LRRC38: variants seen among roughly 807,000 people sequenced by gnomAD.
The protein encoded by LRRC38 is leucine rich repeat containing 38, also known as leucine-rich repeat-containing protein 38.
LRRC38 carries 5 observed loss-of-function variants against 16.4 expected under a neutral mutation model. That is an observed-to-expected ratio of 0.31 (90% CI 0.16 to 0.64). LRRC38 has a LOEUF of 0.64. Among genes scored for constraint, LRRC38 ranks in the 30% least tolerant of loss-of-function variants. The pLI, the probability that LRRC38 is intolerant of heterozygous loss-of-function variation, is 0.80. For missense variants in LRRC38, 341 were observed against 401.8 expected (o/e 0.85, Z 1.29); for synonymous variants, 191 against 190.2 (o/e 1.00, Z -0.04).
intron 1 of LRRC38, among the ~76,000 whole-genome samples, chr1:13,494,832 C>G (rs1639062748): frequency 6.6e-6 from 1 of 152,372 alleles, no homozygotes; most frequent in African/African-American, 2.4e-5. Flanking sequence ...ACCCTACAGT[C>G]TAAGCCATTT....
chr1:13,475,785 C>G lies in LRRC38; in HGVS notation c.*61G>C, dbSNP rs1011913892. 9.9e-6 allele frequency: 15 copies of G among 1,522,704 alleles called. No homozygotes were observed. Among genetic ancestry groups the G allele is most frequent in the African/African-American group, 5.5e-5 (4 of 72,384 alleles). 94.3% of individuals were successfully genotyped at this position (1,522,704 alleles called of 1,614,324 possible). On this transcript the variant is annotated 3_prime_UTR_variant, in exon 2 of 2. Coordinates refer to ENST00000376085, the MANE Select transcript of LRRC38 (RefSeq NM_001010847.2). The surrounding 1 kb of genome is among the most constrained non-coding windows in gnomAD (Gnocchi z 4.3). The stretch of plus-strand genomic sequence containing the variant: ...TTTTCCATTTTCAGCATTTCCCTCT[C>G]GTCTTGGAGAGAGCTTCTGGTTCGG...
intron 1 of LRRC38, among the ~76,000 whole-genome samples, chr1:13,482,801 G>C (rs1170753399): frequency 6.6e-6 from 1 of 152,148 alleles, no homozygotes. Flanking sequence ...GAATAGTGAA[G>C]GAAAGCCAAT....
At chr1:13,506,666 C>T (rs777958518) in intron 1 of LRRC38, among the ~76,000 whole-genome samples, 22 of 152,322 alleles carry the variant, frequency 1.4e-4, no homozygotes, top group Non-Finnish European at 2.8e-4. Context: ...ACCATCTTGG[C>T]CAGGCTGGTC....
intron 1 of LRRC38, among the ~76,000 whole-genome samples, chr1:13,511,741 A>C (rs1442866075): frequency 6.6e-6 from 1 of 151,996 alleles, no homozygotes; most frequent in Non-Finnish European, 1.5e-5. Context: ...ATGAGGACAA[A>C]GTTTAAAGGT....
intron 1 of LRRC38, among the ~76,000 whole-genome samples, chr1:13,512,085 C>A (rs549307700): frequency 2.0e-5 from 3 of 152,256 alleles, no homozygotes; most frequent in African/African-American, 7.2e-5. Flanking sequence ...GAGGTCACTG[C>A]GGGCACTGGT....
intron 1 of LRRC38, among the ~76,000 whole-genome samples, chr1:13,489,669 A>G (rs3013045): frequency 0.33 from 49,659 of 151,866 alleles, 9,765 homozygotes; most frequent in African/African-American, 0.56. Context: ...GCAGCCGAGA[A>G]GGGACTGCAG....
chr1:13,475,905 G>A lies in LRRC38; in HGVS notation c.826C>T (p.Leu276Phe), dbSNP rs2940315. The A allele has an allele frequency of 0.031, 48,519 of 1,550,522 alleles. 1,653 individuals are homozygous for A. Among genetic ancestry groups the A allele is most frequent in the African/African-American group, 0.18 (13,070 of 73,082 alleles). ...TCTTTGTTGGGTGCGCACCTCTGGA[G>A]GCACTGCACCACAGTGGCCAGGAAG... is the stretch of plus-strand genomic sequence containing the variant. ...SFFLATVVQC[L>F]QRCAPNKDAE... The change falls in exon 2 of 2, where the codon CTC becomes TTC. Residue 276 changes from leucine to phenylalanine, a missense_variant. Transcript: ENST00000376085. The surrounding 1 kb of genome is among the most constrained non-coding windows in gnomAD (Gnocchi z 4.3).
chr1:13,504,865 A>AAAAG (rs1639193390), intron 1 of LRRC38, among the ~76,000 whole-genome samples: 1 of 150,710 alleles, frequency 6.6e-6, no homozygotes, highest in East Asian at 2.0e-4. Context: ...AGAAAAAAGA[A>AAAAG]AAAGAGAAAG....
At chr1:13,508,746 AC>A (rs1639240811) in intron 1 of LRRC38, among the ~76,000 whole-genome samples, 3 of 152,208 alleles carry the variant, frequency 2.0e-5, no homozygotes, top group Non-Finnish European at 2.9e-5. Flanking sequence ...GGGAGAAAGG[AC>A]CAGTGTGACC....
intron 1 of LRRC38, among the ~76,000 whole-genome samples, chr1:13,506,598 C>T (rs1450013860): frequency 1.3e-5 from 2 of 152,184 alleles, no homozygotes; most frequent in East Asian, 3.9e-4. Context: ...GCTGGGATTA[C>T]AGGTGCACGC....
In LRRC38 at chr1:13,497,362, C is replaced by T. The variant is rs140472099; in HGVS notation, c.631+15601G>A. Among the ~76,000 whole-genome samples, 441 of 152,282 alleles carry T rather than the reference C, an allele frequency of 2.9e-3. 3 individuals are homozygous for T. Among genetic ancestry groups the T allele is most frequent in the African/African-American group, 7.0e-3 (292 of 41,562 alleles). On this transcript the variant is annotated intron_variant, in intron 1 of 1. Transcript: ENST00000376085. ...GTCAGGTCACCTTGGATTTACCTCC[C>T]TCCGAGTCAAGGTTCTGACTCAGGA...
In LRRC38 at chr1:13,480,626, G is replaced by A. The variant is rs1346778719; in HGVS notation, c.632-4527C>T. The stretch of plus-strand genomic sequence containing the variant: ...GGGGTTGGTAGGTTTCCCCCATACT[G>A]TTCTCCTGGTTGTGAATAAGTCTCA... On this transcript the variant is annotated intron_variant, in intron 1 of 1. Coordinates refer to ENST00000376085, the MANE Select transcript of LRRC38 (RefSeq NM_001010847.2). 2.0e-5 allele frequency among the ~76,000 whole-genome samples: 3 copies of A among 152,112 alleles called. No individual in the cohort carries two copies. In the East Asian group the frequency reaches 5.8e-4, roughly 29 times the overall value.
intron 1 of LRRC38, among the ~76,000 whole-genome samples, chr1:13,488,023 T>C (rs1274304939): frequency 8.4e-6 from 1 of 118,718 alleles, no homozygotes; most frequent in Non-Finnish European, 1.8e-5. Flanking sequence ...TTTTCTAGAT[T>C]GTGTGTGTTT....
At chr1:13,505,555 G>C in intron 1 of LRRC38, among the ~76,000 whole-genome samples, 1 of 152,204 alleles carries the variant, frequency 6.6e-6, no homozygotes, top group East Asian at 1.9e-4. Flanking sequence ...GACCCTCCTA[G>C]TCTCCTACGC....
chr1:13,506,268 A>T (rs1472871196), intron 1 of LRRC38, among the ~76,000 whole-genome samples: 1 of 152,102 alleles, frequency 6.6e-6, no homozygotes, highest in African/African-American at 2.4e-5. Flanking sequence ...AGGACAGGTA[A>T]CAGCACAGGC....
intron 1 of LRRC38, among the ~76,000 whole-genome samples, chr1:13,490,053 C>T (rs933906212): frequency 6.6e-6 from 1 of 152,192 alleles, no homozygotes; most frequent in African/African-American, 2.4e-5. Flanking sequence ...TGACATAAGT[C>T]GCACACATAA....
rs543001382 is a variant in LRRC38, at chr1:13,512,576, C to A, written c.631+387G>T. Reference sequence around the variant, plus strand: ...TTGGAACTGGCTGACTCCCCGTGCACGGTACTGAGAATACGGCCGTTTCCC... The same window carrying A: ...TTGGAACTGGCTGACTCCCCGTGCAAGGTACTGAGAATACGGCCGTTTCCC... On this transcript the variant is annotated intron_variant, in intron 1 of 1. Transcript: ENST00000376085. 2.6e-5 allele frequency among the ~76,000 whole-genome samples: 4 copies of A among 152,172 alleles called. No homozygotes were observed. The East Asian group carries it at 7.7e-4, about 29-fold the overall frequency.
chr1:13,508,909 C>A (rs552696042), intron 1 of LRRC38, among the ~76,000 whole-genome samples: 5 of 152,266 alleles, frequency 3.3e-5, no homozygotes, highest in Non-Finnish European at 7.4e-5. Context: ...GGGAGAGGCT[C>A]CCCCAGCAAG....
chr1:13,481,418 G>A (rs1312845679), intron 1 of LRRC38, among the ~76,000 whole-genome samples: 2 of 149,204 alleles, frequency 1.3e-5, no homozygotes, highest in African/African-American at 5.0e-5. Flanking sequence ...TTGAGATGGA[G>A]TCTCGCTCTG....
Sources: gnomAD v4.1 joint callset for allele counts (sites outside exome capture counted in the v4.1 genomes callset) on GRCh38, gnomAD v4.1.1 for gene constraint, Gnocchi (gnomAD v3.1) non-coding constraint, MANE v1.5 for transcripts, NCBI Gene and HGNC (gene_info 2026-07-23, HGNC 2026-07-21) for gene names.